Variants in RNF115 observed in about 807,000 individuals in gnomAD.
RNF115 encodes the protein E3 ubiquitin-protein ligase RNF115.
RNF115 carries 31 observed loss-of-function variants against 39.2 expected under a neutral mutation model. The observed-to-expected ratio is 0.79, with a 90% CI of 0.59 to 1.07. The LOEUF is 1.07. Among genes scored for constraint, RNF115 ranks in the 50% least tolerant of loss-of-function variants. The probability of loss-of-function intolerance (pLI) is 0.00; values close to 1 mark genes in which losing one functional copy is unlikely to be tolerated. For synonymous variants in RNF115, 124 were observed against 131.0 expected (o/e 0.95, Z 0.37); for missense variants, 384 against 381.7 (o/e 1.01, Z -0.05).
chr1:145,758,811 G>A (rs1318953432), intron 4 of RNF115, among the ~76,000 whole-genome samples: 1 of 152,196 alleles, frequency 6.6e-6, no homozygotes, highest in Non-Finnish European at 1.5e-5. Context: ...AGCAGTAACA[G>A]AGACTGCTGA....
At chr1:145,757,393 G>A (rs911360331) in intron 4 of RNF115, among the ~76,000 whole-genome samples, 5 of 152,184 alleles carry the variant, frequency 3.3e-5, no homozygotes, top group African/African-American at 9.7e-5. Flanking sequence ...GGTGGATGTG[G>A]CTTTTGCCTA....
intron 3 of RNF115, among the ~76,000 whole-genome samples, chr1:145,777,061 C>T (rs1190766237): frequency 6.6e-6 from 1 of 152,152 alleles, no homozygotes; most frequent in African/African-American, 2.4e-5. Flanking sequence ...TAAAACTATA[C>T]TTGTCTTCAA....
chr1:145,792,181 G>A (rs1648705373), intron 1 of RNF115, among the ~76,000 whole-genome samples: 1 of 152,182 alleles, frequency 6.6e-6, no homozygotes, highest in South Asian at 2.1e-4. Context: ...GCCTCCCAAA[G>A]TGCTGGAATT....
At chr1:145,788,993 A>C in intron 1 of RNF115, 27 bp from the exon 2 acceptor site, 1 of 1,451,226 alleles carries the variant, frequency 6.9e-7, no homozygotes, top group Non-Finnish European at 9.6e-7. Context: ...GAAACAAATA[A>C]AACTTTTTCA....
At chr1:145,787,024 A>T in intron 2 of RNF115, 1 of 1,267,902 alleles carries the variant, frequency 7.9e-7, no homozygotes, top group Non-Finnish European at 1.0e-6. Flanking sequence ...TAAAATGTGT[A>T]GTTTTTCCTG....
chr1:145,819,253 T>G (rs1650122713), intron 1 of RNF115, among the ~76,000 whole-genome samples: 2 of 120,214 alleles, frequency 1.7e-5, no homozygotes, highest in African/African-American at 3.1e-5. Flanking sequence ...CTGGGCAACA[T>G]GACGAAACCT....
intron 1 of RNF115, among the ~76,000 whole-genome samples, chr1:145,804,959 G>A (rs1553721397): frequency 6.6e-6 from 1 of 151,724 alleles, no homozygotes; most frequent in Non-Finnish European, 1.5e-5. Flanking sequence ...CATACTTTTG[G>A]TTCCCATAAA....
chr1:145,754,967 C>T (rs587744679), intron 4 of RNF115, among the ~76,000 whole-genome samples: 5 of 151,922 alleles, frequency 3.3e-5, no homozygotes, highest in East Asian at 1.9e-4. Flanking sequence ...GGGAAATGGC[C>T]GGGTGTGGTG....
At position 145,751,416 on chromosome 1, in the gene RNF115, C is replaced by G. The variant is rs782118519; in HGVS notation, c.573+22G>C. The G allele has an allele frequency of 4.6e-6, 7 of 1,537,982 alleles. No individual in the cohort carries two copies. In the East Asian group the frequency reaches 1.6e-4, roughly 36 times the overall value. Reference sequence around the variant, plus strand: ...AACCATGAGACACACTGAACAGACACCCTCAAAAGGCAGCTCCTCACCTGG... The same window carrying G: ...AACCATGAGACACACTGAACAGACAGCCTCAAAAGGCAGCTCCTCACCTGG... On this transcript the variant is annotated intron_variant, in intron 6 of 8. Coordinates refer to ENST00000582693, the MANE Select transcript of RNF115 (RefSeq NM_014455.4).
intron 5 of RNF115, among the ~76,000 whole-genome samples, chr1:145,751,757 G>T (rs1327613302): frequency 6.6e-6 from 1 of 152,184 alleles, no homozygotes; most frequent in Non-Finnish European, 1.5e-5. Context: ...AGTACCACAT[G>T]ACACGCCAGA....
intron 3 of RNF115, among the ~76,000 whole-genome samples, chr1:145,779,970 G>A (rs1168532459): frequency 6.7e-6 from 1 of 150,014 alleles, no homozygotes; most frequent in African/African-American, 2.4e-5. Context: ...ACTCAAGCCC[G>A]TAATCCCAGC....
intron 1 of RNF115, among the ~76,000 whole-genome samples, chr1:145,809,245 G>C (rs1239858217): frequency 1.4e-5 from 2 of 147,826 alleles, no homozygotes; most frequent in African/African-American, 5.0e-5. Flanking sequence ...GGAGTGCAGT[G>C]GTGCAATTTC....
intron 1 of RNF115, among the ~76,000 whole-genome samples, chr1:145,818,178 C>T (rs1553723879): frequency 6.6e-6 from 1 of 151,960 alleles, no homozygotes; most frequent in African/African-American, 2.4e-5. Flanking sequence ...AATCAAACTG[C>T]CTTCCACAGT....
chr1:145,772,073 A>C, intron 3 of RNF115, 154 bp from the exon 4 acceptor site: 1 of 633,898 alleles, frequency 1.6e-6, no homozygotes, highest in South Asian at 2.0e-5. Flanking sequence ...TTGGTCTGTA[A>C]AACTATTACA....
At position 145,745,299 on chromosome 1, in the gene RNF115, A is replaced by T. The variant is rs1007585894; in HGVS notation, c.*1567T>A. On this transcript the variant is annotated 3_prime_UTR_variant, in exon 9 of 9. Coordinates refer to ENST00000582693, the MANE Select transcript of RNF115 (RefSeq NM_014455.4). ...CTATCTCTACAAAAATACAAAAATT[A>T]CCCAGGCATGGTGGCACACGCCTGT... The T allele has an allele frequency of 1.3e-5, 2 of 152,084 alleles. No homozygotes were observed. The highest frequency in any genetic ancestry group is 4.8e-5 in the African/African-American group (2 of 41,384). The allele number at this position is 152,084 out of a possible 1,614,324, so 9.4% of individuals were successfully genotyped here.
At chr1:145,763,106 C>T (rs1314302770) in intron 4 of RNF115, among the ~76,000 whole-genome samples, 2 of 152,204 alleles carry the variant, frequency 1.3e-5, no homozygotes, top group African/African-American at 2.4e-5. Flanking sequence ...CCCAGCATCA[C>T]ACAATATACC....
intron 1 of RNF115, among the ~76,000 whole-genome samples, chr1:145,796,658 A>T (rs1648995081): frequency 6.6e-6 from 1 of 152,106 alleles, no homozygotes; most frequent in Non-Finnish European, 1.5e-5. Flanking sequence ...AAATACTAGG[A>T]TTACAGGCAT....
intron 4 of RNF115, among the ~76,000 whole-genome samples, chr1:145,763,865 G>A (rs782400401): frequency 1.1e-4 from 16 of 151,768 alleles, no homozygotes; most frequent in African/African-American, 1.5e-4. Flanking sequence ...ATATTTTACC[G>A]TCTTAAAAAA....
At position 145,807,837 on chromosome 1, in the gene RNF115, C is replaced by A. The variant is rs184725787; in HGVS notation, c.102+15935G>T. On this transcript the variant is annotated intron_variant, in intron 1 of 8. Coordinates refer to ENST00000582693, the MANE Select transcript of RNF115 (RefSeq NM_014455.4). ...AACCTCTCTTTATCCACATACCTCA[C>A]CCCCTCTGCCTTCACACACCCTTCC... Among the ~76,000 whole-genome samples, 4 of 152,242 alleles carry A rather than the reference C, an allele frequency of 2.6e-5. No individual in the cohort carries two copies. The East Asian group carries it at 7.7e-4, about 29-fold the overall frequency.
Sources: allele counts gnomAD v4.1 joint callset (sites outside exome capture counted in the v4.1 genomes callset), GRCh38; gene constraint gnomAD v4.1.1; transcripts MANE v1.5; gene names NCBI Gene and HGNC (gene_info 2026-07-23, HGNC 2026-07-21).